The following DOCK4 variants were observed in gnomAD, a reference collection of about 807,000 sequenced individuals.
DOCK4 encodes dedicator of cytokinesis protein 4.
DOCK4 carries 97 observed loss-of-function variants against 268.1 expected under a neutral mutation model. That is an observed-to-expected ratio of 0.36 (90% CI 0.31 to 0.43). DOCK4 has a LOEUF of 0.43. Ranked by LOEUF, DOCK4 falls within the 20% of genes least tolerant of loss-of-function variation. The pLI is 1.00. For synonymous variants in DOCK4, 954 were observed against 887.2 expected (o/e 1.08, Z -1.34); for missense variants, 2,145 against 2,455.7 (o/e 0.87, Z 2.67).
intron 28 of DOCK4, among the ~76,000 whole-genome samples, chr7:111,811,555 G>A (rs114737601): frequency 0.012 from 1,838 of 152,054 alleles, 35 homozygotes; most frequent in African/African-American, 0.042. Context: ...CTTTGTAAAC[G>A]TTTTCTTCAT....
chr7:111,924,853 C>G (rs763780299), intron 12 of DOCK4, among the ~76,000 whole-genome samples: 3 of 152,180 alleles, frequency 2.0e-5, no homozygotes, highest in Non-Finnish European at 4.4e-5. Flanking sequence ...GATGGTGCAG[C>G]TCTTCACACT....
At position 111,763,732 on chromosome 7, in the gene DOCK4, G is replaced by A. The variant is rs552568795; in HGVS notation, c.4020+1386C>T. On this transcript the variant is annotated intron_variant, in intron 39 of 52. Coordinates refer to ENST00000428084, the MANE Select transcript of DOCK4 (RefSeq NM_001363540.2). ...ATCTGTGTGGCTATAGCTCTAGACT[G>A]TCTGCTGCTCTGCTCAGAACCTGGA... 6.4e-5 allele frequency among the ~76,000 whole-genome samples: 4 copies of A among 62,408 alleles called. No individual in the cohort carries two copies. In the East Asian group the frequency reaches 6.5e-3, roughly 101 times the overall value. The allele number at this position is 62,408 out of a possible 152,430, so 40.9% of individuals were successfully genotyped here.
At chr7:111,825,205 T>C (rs17547213) in intron 26 of DOCK4, among the ~76,000 whole-genome samples, 1,555 of 152,312 alleles carry the variant, frequency 0.01, 20 homozygotes, top group Non-Finnish European at 0.016. Context: ...ACTTCTAAAA[T>C]GTAGGCAAAT....
At chr7:111,983,348 G>C (rs1275623235) in intron 7 of DOCK4, among the ~76,000 whole-genome samples, 1 of 152,090 alleles carries the variant, frequency 6.6e-6, no homozygotes, top group East Asian at 1.9e-4. Flanking sequence ...TATGCCAAAA[G>C]AGGCAGGATC....
At chr7:112,133,697 G>A (rs1243621522) in intron 1 of DOCK4, among the ~76,000 whole-genome samples, 1 of 152,044 alleles carries the variant, frequency 6.6e-6, no homozygotes, top group African/African-American at 2.4e-5. Flanking sequence ...TCTAGTCTGG[G>A]TGCCAAAGTG....
intron 1 of DOCK4, among the ~76,000 whole-genome samples, chr7:112,112,853 T>C (rs907005046): frequency 3.3e-5 from 5 of 152,130 alleles, no homozygotes; most frequent in African/African-American, 9.7e-5. Flanking sequence ...TCTCTCCCAA[T>C]TGCCCACACA....
intron 51 of DOCK4, 179 bp from the exon 52 acceptor site, chr7:111,732,466 C>G: frequency 1.6e-6 from 1 of 623,180 alleles, no homozygotes; most frequent in Non-Finnish European, 2.8e-6. Context: ...TGGGTTCTCA[C>G]AAAGGGTGGC....
At chr7:111,808,570 T>C (rs1800843507) in intron 30 of DOCK4, 2 of 421,292 alleles carry the variant, frequency 4.7e-6, no homozygotes, top group Admixed American at 3.8e-5. Flanking sequence ...GGAGCAATGC[T>C]AGATTATAAA....
At chr7:111,744,847 T>C (rs886547602) in intron 44 of DOCK4, among the ~76,000 whole-genome samples, 5 of 152,170 alleles carry the variant, frequency 3.3e-5, no homozygotes, top group Non-Finnish European at 7.3e-5. Context: ...TGTGGCCACC[T>C]CTCTCCCTGT....
intron 5 of DOCK4, among the ~76,000 whole-genome samples, chr7:111,990,129 GA>G (rs1289535294): frequency 6.6e-6 from 1 of 152,096 alleles, no homozygotes. Flanking sequence ...GAGGATTAAT[GA>G]GTTATTAAAA....
At chr7:112,190,214 GCT>G (rs1307928684) in intron 1 of DOCK4, among the ~76,000 whole-genome samples, 7 of 152,180 alleles carry the variant, frequency 4.6e-5, no homozygotes, top group Admixed American at 3.3e-4. Flanking sequence ...CTACAGGTTA[GCT>G]CTGTGTTACC....
chr7:111,844,760 T>TA lies in DOCK4; in HGVS notation c.2736+2dup, dbSNP rs1803959617. 6.2e-7 allele frequency: 1 copy of TA among 1,612,580 alleles called. No homozygotes were observed. The highest frequency in any genetic ancestry group is 1.3e-5 in the African/African-American group (1 of 74,860). On this transcript the variant is annotated splice_region_variant and intron_variant, in intron 25 of 52. Coordinates refer to ENST00000428084, the MANE Select transcript of DOCK4 (RefSeq NM_001363540.2). ...CCACGTGCCATCTGCTCTATGATCTTACAGTGACATCCTGGAACTGGAACC... is the reference window on the plus strand; with the variant it reads ...CCACGTGCCATCTGCTCTATGATCTTAACAGTGACATCCTGGAACTGGAACC...
chr7:111,954,778 C>CG (rs35618334), intron 8 of DOCK4, among the ~76,000 whole-genome samples: 2,610 of 152,240 alleles, frequency 0.017, 26 homozygotes, highest in Non-Finnish European at 0.025. Flanking sequence ...TGCACCCAGG[C>CG]GCTCATTAAA....
chr7:112,184,795 C>A (rs375722231), intron 1 of DOCK4, among the ~76,000 whole-genome samples: 93 of 152,208 alleles, frequency 6.1e-4, no homozygotes, highest in African/African-American at 1.8e-3. Context: ...AATCCCCCCC[C>A]CTTAGAGCTT....
intron 16 of DOCK4, among the ~76,000 whole-genome samples, chr7:111,887,672 A>G (rs1031532262): frequency 5.3e-5 from 8 of 152,114 alleles, no homozygotes; most frequent in Non-Finnish European, 7.4e-5. Flanking sequence ...GATGTGAGGA[A>G]GCAGAGGCAA....
At chr7:111,997,026 C>T (rs1246805293) in intron 4 of DOCK4, among the ~76,000 whole-genome samples, 1 of 152,172 alleles carries the variant, frequency 6.6e-6, no homozygotes, top group Admixed American at 6.5e-5. Flanking sequence ...GTTGCACAGG[C>T]TTGCTCAAAA....
chr7:112,117,528 G>A (rs541482449), intron 1 of DOCK4, among the ~76,000 whole-genome samples: 9 of 152,168 alleles, frequency 5.9e-5, no homozygotes, highest in Middle Eastern at 3.4e-3. Flanking sequence ...CAGCCACCAC[G>A]CCTGGCTAAT....
intron 1 of DOCK4, among the ~76,000 whole-genome samples, chr7:112,004,952 A>G (rs913676317): frequency 6.6e-6 from 1 of 152,222 alleles, no homozygotes; most frequent in Non-Finnish European, 1.5e-5. Context: ...TCCAGGAATT[A>G]TAGAGAGAAT....
chr7:112,027,480 C>T (rs1802909492), intron 1 of DOCK4, among the ~76,000 whole-genome samples: 1 of 152,190 alleles, frequency 6.6e-6, no homozygotes, highest in Non-Finnish European at 1.5e-5. Flanking sequence ...CTGCCTCGGC[C>T]TCCCAAAGTG....
Sources: allele counts gnomAD v4.1 joint callset (sites outside exome capture counted in the v4.1 genomes callset), GRCh38; gene constraint gnomAD v4.1.1; transcripts MANE v1.5; gene names NCBI Gene and HGNC (gene_info 2026-07-23, HGNC 2026-07-21).